The following BCAS1 variants were observed in gnomAD, a reference collection of about 807,000 sequenced individuals.
The protein encoded by BCAS1 is breast carcinoma-amplified sequence 1.
A neutral mutation model predicts 65.4 loss-of-function variants in BCAS1; 46 were observed. That is an observed-to-expected ratio of 0.70 (90% CI 0.55 to 0.90). BCAS1 has a LOEUF of 0.90. Among genes scored for constraint, BCAS1 ranks in the 40% least tolerant of loss-of-function variants. The pLI, the probability that BCAS1 is intolerant of heterozygous loss-of-function variation, is 0.00. For missense variants in BCAS1, 793 were observed against 771.2 expected (o/e 1.03, Z -0.33); for synonymous variants, 298 against 293.5 (o/e 1.02, Z -0.16).
chr20:54,031,858 GATT>G (rs2091807917), intron 3 of BCAS1, among the ~76,000 whole-genome samples: 1 of 151,128 alleles, frequency 6.6e-6, no homozygotes, highest in Non-Finnish European at 1.5e-5. Context: ...ATCTATGATT[GATT>G]GGGGTGTCTG....
intron 1 of BCAS1, among the ~76,000 whole-genome samples, chr20:54,066,859 G>A (rs1414915784): frequency 1.3e-5 from 2 of 152,228 alleles, no homozygotes; most frequent in East Asian, 1.9e-4. Flanking sequence ...GTAAGTGGGA[G>A]AATGAGGACT....
chr20:54,028,415 A>C lies in BCAS1; in HGVS notation c.700T>G (p.Ser234Ala), dbSNP rs774733848. The C allele has an allele frequency of 6.2e-7, 1 of 1,614,166 alleles. No individual in the cohort carries two copies. The highest frequency in any genetic ancestry group is 8.5e-7 in the Non-Finnish European group (1 of 1,180,016). ...ACCTTCCCTGCAGGGACATCATCGG[A>C]CTGCCCTGATAAGCCAGGAACCTCA... The part of the protein sequence containing the change: ...VDEVPGLSGQ[S>A]DDVPAGKDIV... The change falls in exon 4 of 13, where the codon TCC (serine) becomes GCC (alanine). Residue 234 changes from serine (S) to alanine (A), a missense_variant. Physicochemically the swap from Ser to Ala is moderately conservative, Grantham distance 99. Coordinates refer to ENST00000688948, the MANE Select transcript of BCAS1 (RefSeq NM_001366298.2).
intron 4 of BCAS1, among the ~76,000 whole-genome samples, chr20:54,025,917 TTTG>T (rs748533932): frequency 3.3e-5 from 5 of 152,190 alleles, no homozygotes; most frequent in Admixed American, 1.3e-4. Flanking sequence ...AGAAGGCTGT[TTTG>T]TTGTTGTTGT....
chr20:53,950,251 C>T (rs561211183), intron 12 of BCAS1, among the ~76,000 whole-genome samples: 183 of 152,300 alleles, frequency 1.2e-3, no homozygotes, highest in African/African-American at 3.8e-3. Flanking sequence ...CCTTGTTTCT[C>T]TTCCTGAAAT....
At chr20:54,015,542 GACAGCACA>G (rs2091418955) in intron 4 of BCAS1, among the ~76,000 whole-genome samples, 1 of 151,978 alleles carries the variant, frequency 6.6e-6, no homozygotes, top group Non-Finnish European at 1.5e-5. Flanking sequence ...AAAGAACACA[GACAGCACA>G]ACCATAGGAA....
intron 1 of BCAS1, among the ~76,000 whole-genome samples, chr20:54,066,579 A>C (rs1312700633): frequency 6.6e-6 from 1 of 152,220 alleles, no homozygotes; most frequent in Non-Finnish European, 1.5e-5. Flanking sequence ...AGAAGGGTGG[A>C]CCTTGATCTG....
At chr20:54,002,848 G>A (rs182935016) in intron 4 of BCAS1, among the ~76,000 whole-genome samples, 7 of 152,214 alleles carry the variant, frequency 4.6e-5, no homozygotes, top group East Asian at 1.9e-4. Context: ...ATCTCTTACT[G>A]CTATTTGTTT....
intron 4 of BCAS1, among the ~76,000 whole-genome samples, chr20:54,002,382 G>T (rs978733139): frequency 1.1e-4 from 17 of 152,134 alleles, no homozygotes; most frequent in Admixed American, 2.0e-4. Context: ...TTGTTGTTTG[G>T]TTTTTTTGTC....
Position 54,069,186 on chromosome 20 carries a change from G to A in BCAS1, c.-6+1247C>T, listed in dbSNP as rs529347170. Among the ~76,000 whole-genome samples, 3 of 114,448 alleles carry A rather than the reference G, an allele frequency of 2.6e-5. No homozygotes were observed. The South Asian group carries it at 9.3e-4, about 36-fold the overall frequency. 75.1% of individuals were successfully genotyped at this position (114,448 alleles called of 152,430 possible). On this transcript the variant is annotated intron_variant, in intron 1 of 12. Coordinates refer to ENST00000688948, the MANE Select transcript of BCAS1 (RefSeq NM_001366298.2). Reference sequence around the variant, plus strand: ...TGAGTATATACACCCAGGGCCTGAAGCTGCTGTGATCAGCTCAGGATCCCC... The same window carrying A: ...TGAGTATATACACCCAGGGCCTGAAACTGCTGTGATCAGCTCAGGATCCCC...
At chr20:54,024,858 A>G (rs1056644089) in intron 4 of BCAS1, among the ~76,000 whole-genome samples, 3 of 152,220 alleles carry the variant, frequency 2.0e-5, no homozygotes, top group Non-Finnish European at 2.9e-5. Context: ...GGCTGTGACA[A>G]GAGCCTGAAT....
At chr20:54,062,868 C>T (rs1429921417) in intron 1 of BCAS1, among the ~76,000 whole-genome samples, 1 of 152,234 alleles carries the variant, frequency 6.6e-6, no homozygotes, top group Non-Finnish European at 1.5e-5. Flanking sequence ...TGAAATTGCT[C>T]CTGCCTGTCC....
chr20:54,041,982 A>G (rs1224682959), intron 3 of BCAS1, among the ~76,000 whole-genome samples: 1 of 151,418 alleles, frequency 6.6e-6, no homozygotes, highest in African/African-American at 2.4e-5. Flanking sequence ...ACTTCTTTGG[A>G]AAATAGCTCA....
At position 54,043,076 on chromosome 20, in the gene BCAS1, T is replaced by C. The variant is rs530336597; in HGVS notation, c.143-14104A>G. Among the ~76,000 whole-genome samples, 44 of 152,324 alleles carry C rather than the reference T, an allele frequency of 2.9e-4. No individual in the cohort carries two copies. The South Asian group carries it at 8.3e-3, about 29-fold the overall frequency. ...CAGAAGGCATTTTTAAGAGGACTCA[T>C]GAATTAACCACATAGCCAACTTACT... On this transcript the variant is annotated intron_variant, in intron 3 of 12. Transcript: ENST00000688948.
intron 3 of BCAS1, among the ~76,000 whole-genome samples, chr20:54,044,383 A>G (rs1568915000): frequency 6.6e-6 from 1 of 152,220 alleles, no homozygotes; most frequent in Non-Finnish European, 1.5e-5. Context: ...GCAAAGAGAA[A>G]GTTGCATATT....
rs545581790 is a variant in BCAS1, at chr20:54,021,411, A to G, written c.723+6981T>C. On this transcript the variant is annotated intron_variant, in intron 4 of 12. Coordinates refer to ENST00000688948, the MANE Select transcript of BCAS1 (RefSeq NM_001366298.2). ...AGCATTACGTCTAAAAAAAAAGTACATACTTTAATTTAAAAATACCTTGTC... is the reference window on the plus strand; with the variant it reads ...AGCATTACGTCTAAAAAAAAAGTACGTACTTTAATTTAAAAATACCTTGTC... Among the ~76,000 whole-genome samples, 175 of 77,454 alleles carry G rather than the reference A, an allele frequency of 2.3e-3. 10 individuals carry two copies. Among genetic ancestry groups the G allele is most frequent in the African/African-American group, 5.9e-3 (155 of 26,142 alleles). 50.8% of individuals were successfully genotyped at this position (77,454 alleles called of 152,430 possible).
intron 6 of BCAS1, 120 bp downstream of exon 6, chr20:53,994,888 TACAC>T (rs11471603): frequency 1.4e-3 from 765 of 555,868 alleles, no homozygotes; most frequent in African/African-American, 3.5e-3. Context: ...ATAGATATGA[TACAC>T]ACACACACAC....
At chr20:53,996,096 C>T in intron 4 of BCAS1, 46 bp from the exon 5 acceptor site, 2 of 1,523,440 alleles carry the variant, frequency 1.3e-6, no homozygotes, top group Non-Finnish European at 1.8e-6. Flanking sequence ...TGAATGTGAA[C>T]TCTCAAAGTC....
chr20:54,012,495 A>G (rs2091344369), intron 4 of BCAS1, among the ~76,000 whole-genome samples: 3 of 151,490 alleles, frequency 2.0e-5, no homozygotes, highest in African/African-American at 7.3e-5. Flanking sequence ...GCTTGATAGG[A>G]TAATTCTGGA....
chr20:53,994,739 G>A (rs2090856988), intron 6 of BCAS1, among the ~76,000 whole-genome samples: 1 of 152,036 alleles, frequency 6.6e-6, no homozygotes, highest in Non-Finnish European at 1.5e-5. Context: ...TGCTATATAA[G>A]AAATTGGTAT....
Sources: allele counts gnomAD v4.1 joint callset (sites outside exome capture counted in the v4.1 genomes callset), GRCh38; gene constraint gnomAD v4.1.1; transcripts MANE v1.5; gene names NCBI Gene and HGNC (gene_info 2026-07-23, HGNC 2026-07-21).